The following BLOC1S6 variants were observed in gnomAD, a reference collection of about 807,000 sequenced individuals.
The protein encoded by BLOC1S6 is biogenesis of lysosomal organelles complex 1 subunit 6.
In BLOC1S6, 24 loss-of-function variants were observed where a neutral mutation model predicts 24.7. The ratio of observed to expected loss-of-function variants is 0.97; its 90% CI spans 0.70 to 1.37. The LOEUF is 1.37. Among genes scored for constraint, BLOC1S6 ranks in the 40% most tolerant of loss-of-function variants. BLOC1S6 has a pLI of 0.00. For missense variants in BLOC1S6, 175 were observed against 196.2 expected, an observed-to-expected ratio of 0.89 and a Z score of 0.64; for synonymous variants, 76 against 72.6, an observed-to-expected ratio of 1.05 and a Z score of -0.23.
chr15:45,591,094 C>T (rs1209773098), intron 1 of BLOC1S6, among the ~76,000 whole-genome samples: 1 of 152,158 alleles, frequency 6.6e-6, no homozygotes, highest in Non-Finnish European at 1.5e-5. Flanking sequence ...TTGATCTCAG[C>T]ATCAGGTCTA....
chr15:45,605,702 G>C, intron 4 of BLOC1S6, 188 bp downstream of exon 4: 1 of 500,140 alleles, frequency 2.0e-6, no homozygotes, highest in Non-Finnish European at 3.6e-6. Context: ...CGATTCTTCT[G>C]CCTCAGCTCC....
chr15:45,589,844 A>AAAAC (rs754444568), intron 1 of BLOC1S6, among the ~76,000 whole-genome samples: 110 of 152,136 alleles, frequency 7.2e-4, no homozygotes, highest in African/African-American at 2.4e-3. Context: ...AGAGAAAAAC[A>AAAAC]AAACAAACAA....
intron 2 of BLOC1S6, among the ~76,000 whole-genome samples, chr15:45,594,432 A>C (rs1468128098): frequency 8.5e-5 from 13 of 152,140 alleles, no homozygotes. Context: ...TCACACTTGG[A>C]ACTTGTAAGG....
At chr15:45,603,243 G>C in intron 3 of BLOC1S6, 56 bp downstream of exon 3, 1 of 1,153,502 alleles carries the variant, frequency 8.7e-7, no homozygotes, top group African/African-American at 2.8e-5. Context: ...CAATAGCTAA[G>C]ACTTAGCTAA....
rs572243953 is a variant in BLOC1S6 at position 45,609,571 on chromosome 15, A to G, written c.*3057A>G. ...TAAATATGCAAATGTTGAATGTAAT[A>G]TAGATTGTGTCCTCATTGAGTTTTT... On this transcript the variant is annotated 3_prime_UTR_variant, in exon 5 of 5. Coordinates refer to ENST00000220531, the MANE Select transcript of BLOC1S6 (RefSeq NM_012388.4). 1.3e-5 allele frequency: 2 copies of G among 152,306 alleles called. No individual in the cohort carries two copies. The highest frequency in any genetic ancestry group is 3.9e-4 in the East Asian group (2 of 5,190). The allele number at this position is 152,306 out of a possible 1,614,324, so 9.4% of individuals were successfully genotyped here.
At chr15:45,605,629 G>C in intron 4 of BLOC1S6, 115 bp downstream of exon 4, 1 of 833,674 alleles carries the variant, frequency 1.2e-6, no homozygotes, top group East Asian at 2.9e-5. Flanking sequence ...TGCTCTTGCC[G>C]CCCAGGCTGG....
chr15:45,604,098 G>A (rs1894361082), intron 3 of BLOC1S6, among the ~76,000 whole-genome samples: 1 of 152,116 alleles, frequency 6.6e-6, no homozygotes, highest in Non-Finnish European at 1.5e-5. Context: ...GCAGGGCACA[G>A]TGACTTATGA....
At chr15:45,587,275 G>C (rs940863718), upstream of BLOC1S6, 2 of 698,376 alleles carry the variant, frequency 2.9e-6, no homozygotes, top group Non-Finnish European at 5.1e-6. Context: ...AACGCCATGG[G>C]GCAGAGCCAA....
chr15:45,591,303 A>G (rs1408320503), intron 1 of BLOC1S6, among the ~76,000 whole-genome samples: 1 of 152,192 alleles, frequency 6.6e-6, no homozygotes, highest in African/African-American at 2.4e-5. Flanking sequence ...AGAATTGAAA[A>G]CATACTTTAT....
chr15:45,606,517 A>G lies in BLOC1S6; in HGVS notation c.*3A>G. ...CCAGACCAGCCAAAAGGATGTGAAA[A>G]GTTGTGTTTGTGTGTTTTCTTCTCC... On this transcript the variant is annotated 3_prime_UTR_variant, in exon 5 of 5. Transcript: ENST00000220531. The G allele has an allele frequency of 1.2e-6, 2 of 1,614,126 alleles. No homozygotes were observed. Among genetic ancestry groups the G allele is most frequent in the Non-Finnish European group, 1.7e-6 (2 of 1,180,030 alleles).
At chr15:45,592,304 C>T (rs1893917393) in intron 2 of BLOC1S6, 28 bp downstream of exon 2, 2 of 1,611,370 alleles carry the variant, frequency 1.2e-6, no homozygotes, top group African/African-American at 1.3e-5. Context: ...CAGATATACA[C>T]TCATTTCCTC....
In BLOC1S6 at chr15:45,592,162, G is replaced by C; in HGVS notation, c.110G>C (p.Gly37Ala). The C allele has an allele frequency of 6.2e-7, 1 of 1,614,102 alleles. No individual in the cohort carries two copies. ...PGLSDTSPDE[G>A]LIEDLTIEDK... is the part of the protein sequence containing the mutation. ...TTAAGTGACACTTCTCCAGATGAAG[G>C]GTTAATAGAGGACTTGACTATAGAA... Residue 37 changes from glycine (G) to alanine (A), a missense_variant, in exon 2 of 5, where the codon GGG (glycine) becomes GCG (alanine). Gly to Ala is a moderately conservative substitution (Grantham distance 60, BLOSUM62 0). Transcript: ENST00000220531.
At chr15:45,597,172 T>C (rs1894107843) in intron 2 of BLOC1S6, among the ~76,000 whole-genome samples, 1 of 152,162 alleles carries the variant, frequency 6.6e-6, no homozygotes, top group Admixed American at 6.5e-5. Flanking sequence ...TGGAAATAAT[T>C]TGCATCTTAA....
intron 1 of BLOC1S6, chr15:45,587,881 C>T (rs1893741971): frequency 6.1e-6 from 4 of 652,082 alleles, no homozygotes; most frequent in South Asian, 3.4e-5. Context: ...AGAGAGGTGA[C>T]GTATCCTATA....
intron 4 of BLOC1S6, 104 bp from the exon 5 acceptor site, chr15:45,606,291 G>A: frequency 1.4e-6 from 2 of 1,455,100 alleles, no homozygotes; most frequent in Non-Finnish European, 1.9e-6. Context: ...AAGTTTATTA[G>A]TGTGAATGAA....
intron 3 of BLOC1S6, among the ~76,000 whole-genome samples, chr15:45,603,883 T>C (rs1894354866): frequency 6.6e-6 from 1 of 152,206 alleles, no homozygotes; most frequent in Non-Finnish European, 1.5e-5. Flanking sequence ...ATTAATGCTA[T>C]AGGCTGAAGT....
At chr15:45,587,743 T>C (rs1893735007) in intron 1 of BLOC1S6, 2 of 705,018 alleles carry the variant, frequency 2.8e-6, no homozygotes, top group Non-Finnish European at 2.6e-6. Flanking sequence ...GTATTGGGGG[T>C]GCAATTGAAG....
chr15:45,592,321 A>T, intron 2 of BLOC1S6, 45 bp downstream of exon 2: 2 of 1,602,482 alleles, frequency 1.2e-6, no homozygotes, highest in Non-Finnish European at 1.7e-6. Flanking sequence ...CCTCTGTGGC[A>T]TAGTCACAAT....
At position 45,606,403 on chromosome 15, in the gene BLOC1S6, A is replaced by G. The variant is rs765691244; in HGVS notation, c.408A>G (p.Ala136=). Residue 136 remains alanine, a synonymous_variant, in exon 5 of 5, where the codon GCA becomes GCG. Coordinates refer to ENST00000220531, the MANE Select transcript of BLOC1S6 (RefSeq NM_012388.4). ...TTTTTTTTTTAACACAGAAAAGAGC[A>G]CTTAAACTGCAGCAGAAGAGGCAAA... ...HEKTSKLKKR[A]LKLQQKRQKE... 2.5e-6 allele frequency: 4 copies of G among 1,613,874 alleles called. No homozygotes were observed. The highest frequency in any genetic ancestry group is 3.4e-6 in the Non-Finnish European group (4 of 1,180,046).
Sources: gnomAD v4.1 joint callset for allele counts (sites outside exome capture counted in the v4.1 genomes callset) on GRCh38, gnomAD v4.1.1 for gene constraint, MANE v1.5 for transcripts, NCBI Gene and HGNC (gene_info 2026-07-23, HGNC 2026-07-21) for gene names.